Variants in PKP4 observed in about 807,000 individuals in gnomAD.
PKP4 encodes the protein plakophilin-4.
Under a neutral mutation model 145.1 loss-of-function variants are expected in PKP4, and 90 were observed. The observed-to-expected ratio is 0.62, with a 90% CI of 0.52 to 0.74. The LOEUF is 0.74. Among genes scored for constraint, PKP4 ranks in the 30% least tolerant of loss-of-function variants. The pLI, the probability that PKP4 is intolerant of heterozygous loss-of-function variation, is 0.00. For synonymous variants in PKP4, 563 were observed against 577.2 expected, an observed-to-expected ratio of 0.98 and a Z score of 0.35; for missense variants, 1,340 against 1,482.7, an observed-to-expected ratio of 0.90 and a Z score of 1.58.
chr2:158,661,513 A>G (rs1458906297), intron 13 of PKP4, 63 bp downstream of exon 13: 2 of 1,020,386 alleles, frequency 2.0e-6, no homozygotes, highest in Non-Finnish European at 3.1e-6. Flanking sequence ...TGGTGCCACT[A>G]TTTGCATGCC....
intron 10 of PKP4, 88 bp downstream of exon 10, chr2:158,640,847 G>T: frequency 7.1e-7 from 1 of 1,406,788 alleles, no homozygotes; most frequent in Non-Finnish European, 1.0e-6. Flanking sequence ...AAATTACCCA[G>T]TGTAATTCAA....
intron 1 of PKP4, among the ~76,000 whole-genome samples, chr2:158,526,328 A>G (rs1204490202): frequency 2.3e-5 from 3 of 132,660 alleles, no homozygotes; most frequent in Non-Finnish European, 3.2e-5. Flanking sequence ...GGCTGGTTCA[A>G]TATACGCAAA....
chr2:158,466,812 C>T (rs1436243730), intron 1 of PKP4, among the ~76,000 whole-genome samples: 3 of 152,198 alleles, frequency 2.0e-5, no homozygotes, highest in Admixed American at 1.3e-4. Context: ...TGCTCTTTAT[C>T]ATACTACTAA....
rs2055758041 is a variant in PKP4 at position 158,654,810 on chromosome 2, TAAAAG to T, written c.1910-3319_1910-3315del. ...TAAGCCAAGTCTGATAGGTAGGAAA[TAAAAG>T]AGAAATCTAAAAACAAATACAGGAT... On this transcript the variant is annotated intron_variant, in intron 11 of 21. Transcript: ENST00000389759. 4.6e-5 allele frequency among the ~76,000 whole-genome samples: 7 copies of T among 152,162 alleles called. 2 individuals are homozygous for T. Among genetic ancestry groups the T allele is most frequent in the African/African-American group, 1.2e-4 (5 of 41,504 alleles).
intron 11 of PKP4, among the ~76,000 whole-genome samples, chr2:158,653,374 T>C (rs2055587179): frequency 6.6e-6 from 1 of 152,224 alleles, no homozygotes. Flanking sequence ...ATAAAGTTAG[T>C]TTTAAATGTG....
chr2:158,471,236 G>C (rs1370629815), intron 1 of PKP4, among the ~76,000 whole-genome samples: 4 of 152,148 alleles, frequency 2.6e-5, no homozygotes, highest in African/African-American at 9.7e-5. Flanking sequence ...AGAATTAAAA[G>C]AAATCAGGGA....
chr2:158,500,890 G>A (rs1183134368), intron 1 of PKP4, among the ~76,000 whole-genome samples: 5 of 152,186 alleles, frequency 3.3e-5, no homozygotes, highest in African/African-American at 9.7e-5. Flanking sequence ...AGAGGGGCAG[G>A]AAAGACCCAG....
chr2:158,636,998 C>CT (rs2053863556), intron 9 of PKP4, among the ~76,000 whole-genome samples: 1 of 151,904 alleles, frequency 6.6e-6, no homozygotes, highest in Non-Finnish European at 1.5e-5. Flanking sequence ...TATTGGTTGC[C>CT]TTTTTTACAT....
At chr2:158,677,774 A>G (rs994967289) in intron 20 of PKP4, among the ~76,000 whole-genome samples, 5 of 152,240 alleles carry the variant, frequency 3.3e-5, no homozygotes, top group African/African-American at 1.2e-4. Flanking sequence ...AGCTCTGGGC[A>G]AAAGGAAATG....
chr2:158,567,734 A>C (rs533871112), intron 2 of PKP4, among the ~76,000 whole-genome samples: 44 of 152,358 alleles, frequency 2.9e-4, no homozygotes, highest in African/African-American at 1.1e-3. Context: ...AAATGTAAGC[A>C]GTGGAAGCAG....
At chr2:158,510,960 C>T (rs1401921646) in intron 1 of PKP4, among the ~76,000 whole-genome samples, 1 of 152,226 alleles carries the variant, frequency 6.6e-6, no homozygotes, top group Non-Finnish European at 1.5e-5. Context: ...ATTCCTCATT[C>T]TTCAAAGTGC....
At chr2:158,474,773 C>G (rs1225317663) in intron 1 of PKP4, among the ~76,000 whole-genome samples, 1 of 152,140 alleles carries the variant, frequency 6.6e-6, no homozygotes, top group Non-Finnish European at 1.5e-5. Flanking sequence ...CAGCCCCGCA[C>G]TCAGTGGGAG....
intron 11 of PKP4, 151 bp from the exon 12 acceptor site, chr2:158,657,980 T>C (rs181053740): frequency 6.6e-4 from 393 of 595,776 alleles, no homozygotes; most frequent in Non-Finnish European, 9.1e-4. Context: ...TCAAAACTCA[T>C]TAGAGGTCTA....
chr2:158,675,323 T>TG (rs1471968767), intron 19 of PKP4, among the ~76,000 whole-genome samples: 1 of 151,968 alleles, frequency 6.6e-6, no homozygotes, highest in East Asian at 1.9e-4. Context: ...TTTGGTGATT[T>TG]TTTTTTTTTA....
intron 1 of PKP4, among the ~76,000 whole-genome samples, chr2:158,465,169 A>G (rs1690410945): frequency 6.6e-6 from 1 of 152,216 alleles, no homozygotes; most frequent in South Asian, 2.1e-4. Context: ...TTGTCCTAGA[A>G]ATGTTGGTAT....
chr2:158,593,942 T>C (rs966273997), intron 3 of PKP4, among the ~76,000 whole-genome samples: 8 of 152,234 alleles, frequency 5.3e-5, no homozygotes, highest in Admixed American at 2.6e-4. Context: ...GGACTTTTTT[T>C]CCACATTTTG....
intron 2 of PKP4, among the ~76,000 whole-genome samples, chr2:158,540,853 T>G (rs1319914774): frequency 6.6e-6 from 1 of 152,180 alleles, no homozygotes; most frequent in Non-Finnish European, 1.5e-5. Context: ...GATAGAATAT[T>G]TTTCTTTGTT....
At chr2:158,503,936 A>C in intron 1 of PKP4, among the ~76,000 whole-genome samples, 1 of 136,032 alleles carries the variant, frequency 7.4e-6, no homozygotes, top group Non-Finnish European at 1.6e-5. Flanking sequence ...CTTTGAGACT[A>C]CTGTTTTAGG....
intron 3 of PKP4, among the ~76,000 whole-genome samples, chr2:158,582,536 G>A (rs1055687073): frequency 2.0e-5 from 3 of 152,166 alleles, no homozygotes; most frequent in African/African-American, 7.2e-5. Context: ...AATAGCCATG[G>A]TAAAGACAAA....
Sources: gnomAD v4.1 joint callset for allele counts (sites outside exome capture counted in the v4.1 genomes callset) on GRCh38, gnomAD v4.1.1 for gene constraint, MANE v1.5 for transcripts, NCBI Gene and HGNC (gene_info 2026-07-23, HGNC 2026-07-21) for gene names.